Variants in SH3RF3 observed in about 807,000 individuals in gnomAD.
SH3RF3 encodes E3 ubiquitin-protein ligase SH3RF3.
SH3RF3 carries 29 observed loss-of-function variants against 66.3 expected under a neutral mutation model. The ratio of observed to expected loss-of-function variants is 0.44; its 90% CI spans 0.33 to 0.60. The LOEUF (loss-of-function observed/expected upper bound fraction) is 0.60. SH3RF3 is among the 20% of genes least tolerant of loss of function. The pLI, the probability that SH3RF3 is intolerant of heterozygous loss-of-function variation, is 0.04. For missense variants in SH3RF3, 1,194 were observed against 1,190.9 expected, an observed-to-expected ratio of 1.00 and a Z score of -0.04; for synonymous variants, 583 against 532.0, an observed-to-expected ratio of 1.10 and a Z score of -1.32.
chr2:109,369,365 G>T (rs1332215385), intron 2 of SH3RF3, among the ~76,000 whole-genome samples: 2 of 152,050 alleles, frequency 1.3e-5, no homozygotes, highest in African/African-American at 4.8e-5. Flanking sequence ...AAAAAGAAAA[G>T]AAAGAAAAGC....
rs529703600 is a variant in SH3RF3 at position 109,129,638 on chromosome 2, G to A, written c.98G>A (p.Arg33His). Residue 33 changes from arginine to histidine, a missense_variant, in exon 1 of 10, where the codon CGT becomes CAT. Coordinates refer to ENST00000309415, the MANE Select transcript of SH3RF3 (RefSeq NM_001099289.3). The stretch of plus-strand genomic sequence containing the variant: ...GACAGGCCAGGCGAGCGACGGCGGC[G>A]TCGGGCGGCGGCCACCGCCGCGGGG... ...DEDRPGERRR[R>H]RAAATAAGAG... 1.1e-4 allele frequency: 167 copies of A among 1,495,632 alleles called. No homozygotes were observed. The African/African-American group carries it at 2.2e-3, about 19-fold the overall frequency. 92.6% of individuals were successfully genotyped at this position (1,495,632 alleles called of 1,614,324 possible).
At chr2:109,319,664 C>T (rs1228238170) in intron 1 of SH3RF3, among the ~76,000 whole-genome samples, 1 of 152,220 alleles carries the variant, frequency 6.6e-6, no homozygotes, top group African/African-American at 2.4e-5. Context: ...TCATCTCCTC[C>T]TCTCTTTTTA....
intron 5 of SH3RF3, among the ~76,000 whole-genome samples, chr2:109,424,546 C>G (rs751462237): frequency 3.9e-5 from 6 of 152,218 alleles, no homozygotes; most frequent in East Asian, 1.9e-4. Context: ...CATTTTCCAA[C>G]AGCATGTGCT....
In SH3RF3 at chr2:109,347,717, A is replaced by T. The variant is rs1181926754; in HGVS notation, c.617A>T (p.Glu206Val). 1 of 1,613,680 alleles carries T rather than the reference A, an allele frequency of 6.2e-7. No individual in the cohort carries two copies. Among genetic ancestry groups the T allele is most frequent in the Non-Finnish European group, 8.5e-7 (1 of 1,179,824 alleles). Reference sequence around the variant, plus strand: ...TATGGCAAGGCCCTCTACAGCTACGAGGGGAAGGAACCTGGTGACCTCAAG... The same window carrying T: ...TATGGCAAGGCCCTCTACAGCTACGTGGGGAAGGAACCTGGTGACCTCAAG... ...LPYGKALYSY[E>V]GKEPGDLKFN... Residue 206 changes from glutamate to valine, a missense_variant, in exon 2 of 10, where the codon GAG becomes GTG. Glu to Val is a moderately radical substitution (Grantham distance 121, BLOSUM62 -2). Transcript: ENST00000309415.
intron 5 of SH3RF3, among the ~76,000 whole-genome samples, chr2:109,423,404 G>A (rs904397325): frequency 8.5e-5 from 13 of 152,094 alleles, no homozygotes; most frequent in South Asian, 4.1e-4. Flanking sequence ...CCATTTGTGC[G>A]TGTGGTCAAA....
chr2:109,206,066 G>T (rs763431918), intron 1 of SH3RF3, among the ~76,000 whole-genome samples: 1 of 152,142 alleles, frequency 6.6e-6, no homozygotes, highest in Non-Finnish European at 1.5e-5. Context: ...TCCAGCCTCC[G>T]CGGTGGGCAT....
At chr2:109,435,564 A>G (rs1301775707) in intron 6 of SH3RF3, among the ~76,000 whole-genome samples, 17 of 152,140 alleles carry the variant, frequency 1.1e-4, no homozygotes, top group Non-Finnish European at 2.2e-4. Flanking sequence ...CTGGTGTGGG[A>G]GCAGGTATGT....
intron 1 of SH3RF3, among the ~76,000 whole-genome samples, chr2:109,130,324 C>T (rs563370023): frequency 1.3e-5 from 2 of 152,360 alleles, no homozygotes; most frequent in East Asian, 1.9e-4. Context: ...TCCCATCCTC[C>T]TGTGGAGTGG....
At chr2:109,496,230 C>T (rs556880074) in intron 9 of SH3RF3, among the ~76,000 whole-genome samples, 3 of 152,086 alleles carry the variant, frequency 2.0e-5, no homozygotes, top group South Asian at 2.1e-4. Context: ...TGCTGATTGG[C>T]GCGTTTTACA....
At chr2:109,499,126 T>C (rs55646538) in intron 9 of SH3RF3, among the ~76,000 whole-genome samples, 60,092 of 151,860 alleles carry the variant, frequency 0.4, 12,233 homozygotes, top group Admixed American at 0.53. Flanking sequence ...AGGCCCAGAG[T>C]GGGCAGCCGC....
At chr2:109,469,930 C>A (rs754762634) in intron 8 of SH3RF3, among the ~76,000 whole-genome samples, 35 of 152,292 alleles carry the variant, frequency 2.3e-4, no homozygotes, top group Non-Finnish European at 2.8e-4. Context: ...GCAGTGTTCT[C>A]AGAGCACTTT....
intron 8 of SH3RF3, among the ~76,000 whole-genome samples, chr2:109,459,565 G>T (rs1409412502): frequency 6.6e-6 from 1 of 152,162 alleles, no homozygotes; most frequent in Non-Finnish European, 1.5e-5. Context: ...CTGTATCCCA[G>T]ACATGCTCTT....
At chr2:109,492,490 C>A (rs1392924396) in intron 9 of SH3RF3, among the ~76,000 whole-genome samples, 1 of 152,178 alleles carries the variant, frequency 6.6e-6, no homozygotes, top group Non-Finnish European at 1.5e-5. Flanking sequence ...TCAGAACACT[C>A]AGCAGTGGGC....
At chr2:109,411,860 C>T (rs1002673561) in intron 4 of SH3RF3, among the ~76,000 whole-genome samples, 3 of 152,238 alleles carry the variant, frequency 2.0e-5, no homozygotes, top group Non-Finnish European at 4.4e-5. Flanking sequence ...ACTGTTAAAT[C>T]CCACATATTT....
In SH3RF3 at chr2:109,481,107, G is replaced by A. The variant is rs190913153; in HGVS notation, c.2149-9498G>A. ...TGCTGCCAAAAAGAATCTGACAGCTGTTCAGAAAGGCAGGAGAAGAAACCC... is the reference window on the plus strand; with the variant it reads ...TGCTGCCAAAAAGAATCTGACAGCTATTCAGAAAGGCAGGAGAAGAAACCC... On this transcript the variant is annotated intron_variant, in intron 8 of 9. Coordinates refer to ENST00000309415, the MANE Select transcript of SH3RF3 (RefSeq NM_001099289.3). Among the ~76,000 whole-genome samples, 222 of 152,336 alleles carry A rather than the reference G, an allele frequency of 1.5e-3. 1 individual carries two copies. Among genetic ancestry groups the A allele is most frequent in the African/African-American group, 5.1e-3 (213 of 41,582 alleles).
intron 1 of SH3RF3, among the ~76,000 whole-genome samples, chr2:109,209,030 G>T (rs368881668): frequency 4.6e-5 from 7 of 152,200 alleles, no homozygotes; most frequent in African/African-American, 1.7e-4. Flanking sequence ...GAGTGGCAGT[G>T]CTGGCCCCAG....
chr2:109,199,602 T>TCAACCCGA (rs1558953936), intron 1 of SH3RF3, among the ~76,000 whole-genome samples: 2 of 340 alleles, frequency 5.9e-3, no homozygotes, highest in Non-Finnish European at 0.014. Flanking sequence ...TGGAATGGAA[T>TCAACCCGA]GGAATGGAAT....
At chr2:109,473,051 A>G (rs756826645) in intron 8 of SH3RF3, among the ~76,000 whole-genome samples, 1 of 152,250 alleles carries the variant, frequency 6.6e-6, no homozygotes, top group Non-Finnish European at 1.5e-5. Context: ...ACAGGGTCAC[A>G]TGGTGTTGCA....
intron 1 of SH3RF3, among the ~76,000 whole-genome samples, chr2:109,211,110 A>G (rs1026650638): frequency 3.9e-5 from 6 of 152,150 alleles, no homozygotes; most frequent in East Asian, 1.9e-4. Flanking sequence ...ATGTGTGTCT[A>G]TGGGGCCTCT....
Sources: allele counts gnomAD v4.1 joint callset (sites outside exome capture counted in the v4.1 genomes callset), GRCh38; gene constraint gnomAD v4.1.1; transcripts MANE v1.5; gene names NCBI Gene and HGNC (gene_info 2026-07-23, HGNC 2026-07-21).